Variants in RNASEH2B observed in about 807,000 individuals in gnomAD.
The protein encoded by RNASEH2B is Aicardi-Goutieres syndrome 2 protein.
A neutral mutation model predicts 45.0 loss-of-function variants in RNASEH2B; 36 were observed. The ratio of observed to expected loss-of-function variants is 0.80; its 90% CI spans 0.61 to 1.06. RNASEH2B has a LOEUF of 1.06. RNASEH2B is among the 50% of genes least tolerant of loss of function. RNASEH2B has a pLI of 0.00. For missense variants in RNASEH2B, 361 were observed against 360.3 expected (o/e 1.00, Z -0.02); for synonymous variants, 119 against 125.7 (o/e 0.95, Z 0.35).
chr13:50,946,541 G>A (rs1170920812), intron 7 of RNASEH2B, among the ~76,000 whole-genome samples: 1 of 152,136 alleles, frequency 6.6e-6, no homozygotes, highest in Non-Finnish European at 1.5e-5. Context: ...GATGATTAAT[G>A]GATAGATAGG....
At chr13:50,938,443 A>T (rs1420136229) in intron 5 of RNASEH2B, 1 of 151,984 alleles carries the variant, frequency 6.6e-6, no homozygotes, top group Non-Finnish European at 1.5e-5. Context: ...GGTATTGATA[A>T]ACTGATTCTA....
downstream of RNASEH2B, among the ~76,000 whole-genome samples, chr13:50,957,370 C>G (rs920709503): frequency 1.3e-5 from 2 of 152,044 alleles, no homozygotes; most frequent in Admixed American, 6.6e-5. Context: ...GGTTTTTTTG[C>G]ATTAATTCGC....
intron 1 of RNASEH2B, among the ~76,000 whole-genome samples, chr13:50,923,544 AAG>A (rs1306343451): frequency 1.3e-5 from 2 of 152,302 alleles, no homozygotes; most frequent in African/African-American, 2.4e-5. Flanking sequence ...TGCTGAAATA[AAG>A]AGAGTCTCAA....
chr13:50,927,342 T>TAA (rs1006365888), intron 1 of RNASEH2B, 65 bp from the exon 2 acceptor site: 8 of 952,686 alleles, frequency 8.4e-6, no homozygotes, highest in Middle Eastern at 2.1e-4. Flanking sequence ...GAAAACAGGG[T>TAA]AAAGTAAGGT....
intron 1 of RNASEH2B, among the ~76,000 whole-genome samples, chr13:50,916,912 A>G (rs1879776657): frequency 3.9e-5 from 6 of 152,184 alleles, no homozygotes; most frequent in Admixed American, 3.3e-4. Flanking sequence ...AGGGTGTTGC[A>G]GCAGCAGGAG....
At chr13:50,960,612 C>T (rs1401291695), downstream of RNASEH2B, among the ~76,000 whole-genome samples, 1 of 152,136 alleles carries the variant, frequency 6.6e-6, no homozygotes, top group Non-Finnish European at 1.5e-5. Flanking sequence ...AAACTGTACC[C>T]AAATGTCTAA....
chr13:50,940,309 TACATGACTG>T (rs1230270077), intron 5 of RNASEH2B, among the ~76,000 whole-genome samples: 3 of 152,174 alleles, frequency 2.0e-5, no homozygotes, highest in Non-Finnish European at 4.4e-5. Context: ...GGATGATGCT[TACATGACTG>T]CATACATTTT....
intron 3 of RNASEH2B, among the ~76,000 whole-genome samples, chr13:50,929,858 T>G (rs1248170957): frequency 1.3e-5 from 2 of 152,228 alleles, no homozygotes; most frequent in African/African-American, 2.4e-5. Context: ...AGAAGTTAGA[T>G]TTGTACATGG....
At position 50,956,278 on chromosome 13, in the gene RNASEH2B, A is replaced by T. The variant is rs1328360; in HGVS notation, c.823-80A>T. On this transcript the variant is annotated intron_variant, in intron 10 of 10. Coordinates refer to ENST00000336617, the MANE Select transcript of RNASEH2B (RefSeq NM_024570.4). ...TACCTTCCTTAATGAAACTTGAGAC[A>T]TGCAGTCTTCTTTGATTTCCATATA... is the stretch of plus-strand genomic sequence containing the variant. The T allele has an allele frequency of 0.28, 325,683 of 1,167,110 alleles. 50,023 individuals are homozygous for T. Among genetic ancestry groups the T allele is most frequent in the Non-Finnish European group, 0.32 (257,955 of 803,528 alleles). The allele number at this position is 1,167,110 out of a possible 1,614,324, so 72.3% of individuals were successfully genotyped here.
exon 10 of RNASEH2B, chr13:50,969,961 G>C: frequency 1.3e-6 from 2 of 1,551,672 alleles, no homozygotes; most frequent in Non-Finnish European, 8.7e-7. Context: ...AAAGGGGCAA[G>C]TGATGGTGGT....
At chr13:50,960,616 T>C (rs1681811021), downstream of RNASEH2B, among the ~76,000 whole-genome samples, 1 of 152,224 alleles carries the variant, frequency 6.6e-6, no homozygotes, top group Non-Finnish European at 1.5e-5. Flanking sequence ...TGTACCCAAA[T>C]GTCTAATAAA....
chr13:50,948,820 C>T (rs540348980), intron 8 of RNASEH2B: 14 of 152,148 alleles, frequency 9.2e-5, no homozygotes, highest in African/African-American at 3.4e-4. Flanking sequence ...TCCAGAGGTC[C>T]TACTTTAAAA....
downstream of RNASEH2B, among the ~76,000 whole-genome samples, chr13:50,959,006 A>C (rs953210576): frequency 6.6e-5 from 10 of 152,302 alleles, no homozygotes; most frequent in Admixed American, 5.9e-4. Context: ...GCTTAATGCC[A>C]CCTTGTTAGC....
intron 1 of RNASEH2B, chr13:50,910,371 C>T (rs575268009): frequency 4.5e-5 from 17 of 379,306 alleles, no homozygotes; most frequent in African/African-American, 3.6e-4. Context: ...CCCTGATCCC[C>T]GGTGGCTCGG....
intron 1 of RNASEH2B, among the ~76,000 whole-genome samples, chr13:50,923,548 G>A (rs1951551701): frequency 6.6e-6 from 1 of 152,148 alleles, no homozygotes; most frequent in South Asian, 2.1e-4. Context: ...GAAATAAAGA[G>A]AGTCTCAACA....
At chr13:50,931,011 T>C (rs889588886) in intron 4 of RNASEH2B, among the ~76,000 whole-genome samples, 2 of 152,226 alleles carry the variant, frequency 1.3e-5, no homozygotes, top group African/African-American at 4.8e-5. Context: ...TGACTCACTG[T>C]GCTGTGCACC....
Position 50,956,515 on chromosome 13 carries a change from C to T in RNASEH2B, c.*41C>T. 2 of 1,569,416 alleles carry T rather than the reference C, an allele frequency of 1.3e-6. No individual in the cohort carries two copies. The highest frequency in any genetic ancestry group is 2.3e-5 in the East Asian group (1 of 43,214). On this transcript the variant is annotated 3_prime_UTR_variant, in exon 11 of 11. Coordinates refer to ENST00000336617, the MANE Select transcript of RNASEH2B (RefSeq NM_024570.4). Reference sequence around the variant, plus strand: ...ATCTAGCAAAAATATTTGCTTTTTACATGTTTCAGTTTGTCCTTCCTGACT... The same window carrying T: ...ATCTAGCAAAAATATTTGCTTTTTATATGTTTCAGTTTGTCCTTCCTGACT...
chr13:50,910,167 G>T, intron 1 of RNASEH2B, 27 bp downstream of exon 1: 1 of 1,419,742 alleles, frequency 7.0e-7, no homozygotes. Flanking sequence ...GGGCGGCGGG[G>T]TCGGCCCAAG....
chr13:50,950,285 C>G (rs530258187), intron 9 of RNASEH2B: 20 of 152,300 alleles, frequency 1.3e-4, no homozygotes, highest in African/African-American at 4.6e-4. Flanking sequence ...TACAAACTTT[C>G]CTTCTCCCTT....
Sources: gnomAD v4.1 joint callset for allele counts (sites outside exome capture counted in the v4.1 genomes callset) on GRCh38, gnomAD v4.1.1 for gene constraint, MANE v1.5 for transcripts, NCBI Gene and HGNC (gene_info 2026-07-23, HGNC 2026-07-21) for gene names.